CPEB3: variants seen among roughly 807,000 people sequenced by gnomAD.
CPEB3 encodes cytoplasmic polyadenylation element-binding protein 3.
Under a neutral mutation model 67.2 loss-of-function variants are expected in CPEB3, and 20 were observed. The observed-to-expected ratio is 0.30, with a 90% CI of 0.21 to 0.43. The LOEUF (loss-of-function observed/expected upper bound fraction) is 0.43. CPEB3 is among the 20% of genes least tolerant of loss of function. The pLI, the probability that CPEB3 is intolerant of heterozygous loss-of-function variation, is 1.00. For missense variants in CPEB3, 746 were observed against 968.6 expected (o/e 0.77, Z 3.05); for synonymous variants, 376 against 393.1 (o/e 0.96, Z 0.51).
chr10:92,209,661 G>A (rs901519347), intron 2 of CPEB3, among the ~76,000 whole-genome samples: 2 of 152,024 alleles, frequency 1.3e-5, no homozygotes, highest in African/African-American at 4.8e-5. Context: ...ACTCAAAAGT[G>A]GAATTTCAGC....
At chr10:92,283,972 C>T (rs1448061637) in intron 1 of CPEB3, among the ~76,000 whole-genome samples, 1 of 151,384 alleles carries the variant, frequency 6.6e-6, no homozygotes, top group Non-Finnish European at 1.5e-5. Context: ...AGGTGATCCA[C>T]CTGCCTCAGC....
chr10:92,276,676 T>A (rs1842003839), intron 1 of CPEB3, among the ~76,000 whole-genome samples: 1 of 152,230 alleles, frequency 6.6e-6, no homozygotes, highest in South Asian at 2.1e-4. Flanking sequence ...TGTGTAGGCA[T>A]ATGTTTTCAT....
At chr10:92,228,471 T>C (rs1851093382) in intron 2 of CPEB3, among the ~76,000 whole-genome samples, 1 of 152,168 alleles carries the variant, frequency 6.6e-6, no homozygotes, top group East Asian at 1.9e-4. Flanking sequence ...GCTGCTTATC[T>C]GAAACCTAAG....
At chr10:92,202,367 T>C (rs11186852) in intron 2 of CPEB3, among the ~76,000 whole-genome samples, 30,207 of 151,430 alleles carry the variant, frequency 0.2, 3,736 homozygotes, top group Non-Finnish European at 0.28. Flanking sequence ...ATTTATAATT[T>C]CCCCAAACTG....
chr10:92,225,943 A>G (rs1176221255), intron 2 of CPEB3, among the ~76,000 whole-genome samples: 3 of 152,182 alleles, frequency 2.0e-5, no homozygotes, highest in Non-Finnish European at 2.9e-5. Context: ...CTGAAAATAC[A>G]AAAATTAGCC....
intron 5 of CPEB3, 84 bp from the exon 6 acceptor site, chr10:92,143,202 A>G (rs1765863863): frequency 1.9e-6 from 2 of 1,035,382 alleles, no homozygotes; most frequent in East Asian, 2.6e-5. Flanking sequence ...ATGTCTTTTT[A>G]GTTTAAAAAA....
chr10:92,225,954 G>T (rs1248222255), intron 2 of CPEB3, among the ~76,000 whole-genome samples: 1 of 152,076 alleles, frequency 6.6e-6, no homozygotes. Context: ...AAAATTAGCC[G>T]GGCGTGGTGG....
rs541849696 is a variant in CPEB3 at position 92,275,803 on chromosome 10, G to T, written c.-12+15123C>A. Among the ~76,000 whole-genome samples, 14 of 150,818 alleles carry T rather than the reference G, an allele frequency of 9.3e-5. No individual in the cohort carries two copies. In the South Asian group the frequency reaches 2.7e-3, roughly 29 times the overall value. On this transcript the variant is annotated intron_variant, in intron 1 of 9. Transcript: ENST00000265997. ...CTGTCACATAGCAAAATGTTTTCAA[G>T]GTTCATCCATGTTATAGCATGTATC... is the stretch of plus-strand genomic sequence containing the variant.
intron 7 of CPEB3, among the ~76,000 whole-genome samples, chr10:92,106,447 A>G (rs1213713079): frequency 6.6e-6 from 1 of 152,148 alleles, no homozygotes; most frequent in Non-Finnish European, 1.5e-5. Context: ...TTCACGATAC[A>G]TGATGTGGTG....
intron 6 of CPEB3, among the ~76,000 whole-genome samples, chr10:92,135,039 T>C (rs1388623174): frequency 6.6e-6 from 1 of 152,140 alleles, no homozygotes; most frequent in African/African-American, 2.4e-5. Flanking sequence ...ACTTAAATGT[T>C]AGACCTAAAA....
chr10:92,095,522 A>G (rs1291746607), intron 7 of CPEB3, among the ~76,000 whole-genome samples: 1 of 150,550 alleles, frequency 6.6e-6, no homozygotes, highest in Non-Finnish European at 1.5e-5. Context: ...TCAGGTCCTG[A>G]TATCCATGTT....
chr10:92,188,062 T>TG (rs1247252416), intron 3 of CPEB3, among the ~76,000 whole-genome samples: 5 of 151,752 alleles, frequency 3.3e-5, no homozygotes, highest in African/African-American at 9.7e-5. Context: ...CCAGGCATGG[T>TG]GCCTGTGCCT....
At chr10:92,118,793 G>C in intron 6 of CPEB3, 2 of 760,364 alleles carry the variant, frequency 2.6e-6, no homozygotes, top group Non-Finnish European at 4.9e-6. Flanking sequence ...TAAGAACACA[G>C]GTTTAAACCG....
chr10:92,238,659 C>T (rs1851659104), intron 2 of CPEB3, among the ~76,000 whole-genome samples: 1 of 151,084 alleles, frequency 6.6e-6, no homozygotes, highest in African/African-American at 2.4e-5. Context: ...TTCTAGGTAA[C>T]ATGGAGAGGG....
rs185591564 is a variant in CPEB3 at position 92,121,420 on chromosome 10, A to G, written c.1454-10226T>C. On this transcript the variant is annotated intron_variant, in intron 6 of 9. Coordinates refer to ENST00000265997, the MANE Select transcript of CPEB3 (RefSeq NM_014912.5). ...ATAATAGAGAGACAGCGCGTGAGCG[A>G]GCATGCACGCAAAAATGTGGCAAAA... is the stretch of plus-strand genomic sequence containing the variant. 1.3e-3 allele frequency among the ~76,000 whole-genome samples: 193 copies of G among 149,054 alleles called. 3 individuals are homozygous for G. The East Asian group carries it at 0.028, about 22-fold the overall frequency.
At chr10:92,078,349 T>G (rs962175436) in intron 9 of CPEB3, among the ~76,000 whole-genome samples, 4 of 152,206 alleles carry the variant, frequency 2.6e-5, no homozygotes, top group Non-Finnish European at 5.9e-5. Context: ...TTAAGTACAT[T>G]TGTAGCAAGA....
intron 3 of CPEB3, among the ~76,000 whole-genome samples, chr10:92,185,653 A>G (rs1397103321): frequency 6.6e-6 from 1 of 152,154 alleles, no homozygotes; most frequent in Non-Finnish European, 1.5e-5. Context: ...CCTTCCTCTA[A>G]TCACTCCCTT....
At chr10:92,280,309 C>CTACA (rs1189766734) in intron 1 of CPEB3, among the ~76,000 whole-genome samples, 2 of 120,148 alleles carry the variant, frequency 1.7e-5, no homozygotes, top group African/African-American at 6.5e-5. Context: ...TGCCACTGCA[C>CTACA]TACAGCCTGG....
At chr10:92,145,624 A>G (rs1846642621) in intron 4 of CPEB3, among the ~76,000 whole-genome samples, 1 of 150,668 alleles carries the variant, frequency 6.6e-6, no homozygotes, top group Admixed American at 6.6e-5. Context: ...AACAAGAGTA[A>G]AACTCAGTCT....
Sources: allele counts gnomAD v4.1 joint callset (sites outside exome capture counted in the v4.1 genomes callset), GRCh38; gene constraint gnomAD v4.1.1; transcripts MANE v1.5; gene names NCBI Gene and HGNC (gene_info 2026-07-23, HGNC 2026-07-21).